The following FHIT variants were observed in gnomAD, a reference collection of about 807,000 sequenced individuals.
The protein encoded by FHIT is bis(5'-adenosyl)-triphosphatase.
Under a neutral mutation model 17.9 loss-of-function variants are expected in FHIT, and 19 were observed. The ratio of observed to expected loss-of-function variants is 1.06; its 90% confidence interval spans 0.74 to 1.56. The LOEUF is 1.56. Among genes scored for constraint, FHIT ranks in the 40% most tolerant of loss-of-function variants. FHIT has a pLI of 0.00. For missense variants in FHIT, 248 were observed against 189.2 expected (o/e 1.31, Z -1.82); for synonymous variants, 81 against 69.7 (o/e 1.16, Z -0.81).
In FHIT at chr3:60,046,168, C is replaced by A. The variant is rs866173133; in HGVS notation, c.104-32016G>T. Among the ~76,000 whole-genome samples, 45 of 152,290 alleles carry A rather than the reference C, an allele frequency of 3.0e-4. 1 individual carries two copies. The highest frequency in any genetic ancestry group is 9.6e-4 in the African/African-American group (40 of 41,554). ...CAAGTACTTAACACAATAGACCATT[C>A]AATAAAGCTGCTTTTCACATGCTTC... On this transcript the variant is annotated intron_variant, in intron 5 of 9. Coordinates refer to ENST00000492590, the MANE Select transcript of FHIT (RefSeq NM_002012.4).
chr3:59,880,554 A>AATCT (rs1703365928), intron 8 of FHIT, among the ~76,000 whole-genome samples: 2 of 152,174 alleles, frequency 1.3e-5, no homozygotes, highest in Non-Finnish European at 2.9e-5. Flanking sequence ...TGCCACAACT[A>AATCT]AGTACCTGTG....
chr3:60,031,031 C>T (rs1157756206), intron 5 of FHIT, among the ~76,000 whole-genome samples: 1 of 152,164 alleles, frequency 6.6e-6, no homozygotes, highest in Non-Finnish European at 1.5e-5. Flanking sequence ...TCCCCTGGTC[C>T]AGTCCACTAT....
intron 5 of FHIT, among the ~76,000 whole-genome samples, chr3:60,047,087 G>C (rs753698837): frequency 2.6e-5 from 4 of 152,174 alleles, no homozygotes; most frequent in Non-Finnish European, 5.9e-5. Flanking sequence ...GTGACATTTT[G>C]CTAGGAATTT....
intron 4 of FHIT, among the ~76,000 whole-genome samples, chr3:60,699,024 T>C (rs1043029703): frequency 1.3e-5 from 2 of 152,218 alleles, no homozygotes; most frequent in Non-Finnish European, 2.9e-5. Flanking sequence ...TATGAACATC[T>C]TTCTATGCCA....
chr3:59,799,660 AAGAGACC>A (rs1699917075), intron 8 of FHIT, among the ~76,000 whole-genome samples: 1 of 152,170 alleles, frequency 6.6e-6, no homozygotes, highest in Non-Finnish European at 1.5e-5. Context: ...TAGGGAAGAG[AAGAGACC>A]CTTTCTTCCA....
intron 3 of FHIT, among the ~76,000 whole-genome samples, chr3:60,848,814 A>AT (rs1304606707): frequency 5.3e-5 from 8 of 151,928 alleles, no homozygotes; most frequent in East Asian, 1.9e-4. Context: ...TATATAATGG[A>AT]TTTTTTTTCC....
chr3:60,003,061 A>G (rs1699788204), intron 7 of FHIT, among the ~76,000 whole-genome samples: 1 of 152,308 alleles, frequency 6.6e-6, no homozygotes, highest in South Asian at 2.1e-4. Context: ...TTCTTAATGG[A>G]AAGTGCTTCA....
At chr3:60,643,189 G>C (rs1553685814) in intron 4 of FHIT, among the ~76,000 whole-genome samples, 1 of 152,014 alleles carries the variant, frequency 6.6e-6, no homozygotes. Flanking sequence ...CCACTCTAGA[G>C]ACCATCTACG....
intron 3 of FHIT, among the ~76,000 whole-genome samples, chr3:60,955,635 C>CATATATATATATATATATATACAT (rs1553778580): frequency 1.4e-4 from 7 of 48,366 alleles, no homozygotes; most frequent in South Asian, 6.3e-4. Flanking sequence ...TATATATATA[C>CATATATATATATATATATATACAT]ACACACACAC....
At chr3:61,229,692 A>C (rs2040053174) in intron 1 of FHIT, among the ~76,000 whole-genome samples, 1 of 152,158 alleles carries the variant, frequency 6.6e-6, no homozygotes, top group Non-Finnish European at 1.5e-5. Context: ...CCTAGAACAA[A>C]GTAAGTTTTC....
At chr3:60,957,437 C>G in intron 3 of FHIT, among the ~76,000 whole-genome samples, 1 of 152,008 alleles carries the variant, frequency 6.6e-6, no homozygotes, top group East Asian at 1.9e-4. Context: ...TGGGGTTTCA[C>G]CGTGTTAGCC....
intron 5 of FHIT, among the ~76,000 whole-genome samples, chr3:60,513,303 T>G (rs997734547): frequency 2.0e-5 from 3 of 152,158 alleles, no homozygotes; most frequent in Admixed American, 1.3e-4. Context: ...CTATTTACTT[T>G]TATTCTGAAT....
At chr3:60,039,317 A>G (rs1286649444) in intron 5 of FHIT, among the ~76,000 whole-genome samples, 1 of 152,202 alleles carries the variant, frequency 6.6e-6, no homozygotes, top group Non-Finnish European at 1.5e-5. Context: ...GAGCAGCTCC[A>G]CTTTTATCTG....
intron 3 of FHIT, among the ~76,000 whole-genome samples, chr3:60,989,163 A>G (rs1161949379): frequency 6.6e-6 from 1 of 151,904 alleles, no homozygotes. Context: ...GACATTATTT[A>G]TTTATGTATT....
chr3:60,346,078 A>C (rs1014480547), intron 5 of FHIT, among the ~76,000 whole-genome samples: 18 of 152,190 alleles, frequency 1.2e-4, no homozygotes, highest in African/African-American at 4.1e-4. Flanking sequence ...CGTAATAGAG[A>C]AAGTCCTGGC....
chr3:60,251,644 G>A (rs558789159), intron 5 of FHIT, among the ~76,000 whole-genome samples: 2 of 152,292 alleles, frequency 1.3e-5, no homozygotes, highest in African/African-American at 4.8e-5. Context: ...TTGTGTGTGT[G>A]TATCTAAAAC....
intron 5 of FHIT, among the ~76,000 whole-genome samples, chr3:60,120,844 G>GT (rs1705214318): frequency 1.8e-5 from 2 of 112,732 alleles, no homozygotes; most frequent in African/African-American, 7.3e-5. Context: ...TCAGCTAAGT[G>GT]ATTTTTTTTT....
At chr3:59,806,223 ATGT>A (rs1458150854) in intron 8 of FHIT, among the ~76,000 whole-genome samples, 1 of 151,888 alleles carries the variant, frequency 6.6e-6, no homozygotes, top group African/African-American at 2.4e-5. Flanking sequence ...ATGAAAATGG[ATGT>A]TGTAAAGCCT....
Position 60,457,557 on chromosome 3 carries a change from C to T in FHIT, c.103+79303G>A, listed in dbSNP as rs2032183269. On this transcript the variant is annotated intron_variant, in intron 5 of 9. Transcript: ENST00000492590. ...ATGTCTAAAGCACCAAAAGCAATGG[C>T]AACAAAAGCCAAAATTGACAAATGG... Among the ~76,000 whole-genome samples, 2 of 152,084 alleles carry T rather than the reference C, an allele frequency of 1.3e-5. 1 individual carries two copies. The highest frequency in any genetic ancestry group is 4.1e-4 in the South Asian group (2 of 4,822).
Sources: allele counts gnomAD v4.1 joint callset (sites outside exome capture counted in the v4.1 genomes callset), GRCh38; gene constraint gnomAD v4.1.1; transcripts MANE v1.5; gene names NCBI Gene and HGNC (gene_info 2026-07-23, HGNC 2026-07-21).